Variants in SLC23A2 observed in about 807,000 individuals in gnomAD.
The protein encoded by SLC23A2 is Na(+)/L-ascorbic acid transporter 2.
In SLC23A2, 36 loss-of-function variants were observed where a neutral mutation model predicts 73.3. That is an observed-to-expected ratio of 0.49 (90% CI 0.38 to 0.65). The LOEUF is 0.65. Ranked by LOEUF, SLC23A2 falls within the 30% of genes least tolerant of loss-of-function variation. SLC23A2 has a pLI of 0.00. For synonymous variants in SLC23A2, 343 were observed against 327.3 expected (o/e 1.05, Z -0.52); for missense variants, 507 against 841.6 (o/e 0.60, Z 4.92).
At chr20:4,999,664 A>C (rs1366832565) in intron 1 of SLC23A2, among the ~76,000 whole-genome samples, 2 of 151,598 alleles carry the variant, frequency 1.3e-5, no homozygotes, top group East Asian at 1.9e-4. Flanking sequence ...AAGTGCTGGG[A>C]TTACAGGTGT....
intron 13 of SLC23A2, among the ~76,000 whole-genome samples, chr20:4,866,536 G>A (rs7263731): frequency 0.012 from 1,789 of 152,268 alleles, 25 homozygotes; most frequent in Non-Finnish European, 0.018. Context: ...TAGAGGAAGC[G>A]CCCCTCAGAC....
upstream of SLC23A2, among the ~76,000 whole-genome samples, chr20:5,004,727 C>T (rs6133184): frequency 0.14 from 21,454 of 152,086 alleles, 1,769 homozygotes; most frequent in East Asian, 0.34. Context: ...AGGCCGGGTG[C>T]GGTGGCTCAC....
intron 2 of SLC23A2, among the ~76,000 whole-genome samples, chr20:4,936,495 C>T (rs1283699093): frequency 1.3e-5 from 2 of 151,994 alleles, no homozygotes; most frequent in Admixed American, 6.6e-5. Flanking sequence ...ATTATGTTGC[C>T]CAGGCTGGTC....
At chr20:4,959,129 G>A (rs1696642242) in intron 2 of SLC23A2, among the ~76,000 whole-genome samples, 1 of 151,272 alleles carries the variant, frequency 6.6e-6, no homozygotes. Flanking sequence ...TGAGGCAGGA[G>A]AATCACTTGA....
intron 2 of SLC23A2, among the ~76,000 whole-genome samples, chr20:4,945,097 G>A (rs2087099192): frequency 6.6e-6 from 1 of 152,128 alleles, no homozygotes; most frequent in Admixed American, 6.5e-5. Flanking sequence ...TCCGACTTCA[G>A]GGAGTTTGCA....
chr20:4,867,209 C>T (rs1461783315), intron 13 of SLC23A2, among the ~76,000 whole-genome samples: 1 of 152,154 alleles, frequency 6.6e-6, no homozygotes, highest in Admixed American at 6.5e-5. Context: ...GACTCCCTGA[C>T]CCGCACTGGC....
chr20:4,860,246 T>C (rs1929903454), intron 15 of SLC23A2, among the ~76,000 whole-genome samples: 2 of 152,230 alleles, frequency 1.3e-5, no homozygotes, highest in African/African-American at 2.4e-5. Flanking sequence ...ATGAATACCC[T>C]TGGTGCCTTC....
At chr20:4,873,907 T>C (rs748108353) in intron 11 of SLC23A2, 29 bp downstream of exon 11, 44 of 1,598,620 alleles carry the variant, frequency 2.8e-5, no homozygotes, top group Non-Finnish European at 3.5e-5. Context: ...TCGTGGGCTC[T>C]TGACCCCTCT....
intron 4 of SLC23A2, among the ~76,000 whole-genome samples, chr20:4,908,922 A>T (rs1343381576): frequency 6.6e-6 from 1 of 152,226 alleles, no homozygotes. Context: ...TGACAGAGCA[A>T]GACTATCTCA....
At position 4,966,103 on chromosome 20, in the gene SLC23A2, T is replaced by C. The variant is rs61335732; in HGVS notation, c.-155+4690A>G. Among the ~76,000 whole-genome samples, 675 of 152,112 alleles carry C rather than the reference T, an allele frequency of 4.4e-3. 2 individuals carry two copies. The highest frequency in any genetic ancestry group is 0.015 in the African/African-American group (634 of 41,502). On this transcript the variant is annotated intron_variant, in intron 2 of 16. Coordinates refer to ENST00000338244, the MANE Select transcript of SLC23A2 (RefSeq NM_005116.6). ...ATAAAATTATAAGCTATAGAACGTA[T>C]TTGTGATTCTTGGGTAAAAAAGAAA...
At chr20:4,935,103 C>T (rs1442748685) in intron 2 of SLC23A2, among the ~76,000 whole-genome samples, 49 of 145,464 alleles carry the variant, frequency 3.4e-4, no homozygotes, top group African/African-American at 1.2e-3. Flanking sequence ...AGGAGAATGG[C>T]GTGAACCCAG....
At chr20:4,880,165 C>T (rs112375401) in intron 9 of SLC23A2, among the ~76,000 whole-genome samples, 4 of 152,170 alleles carry the variant, frequency 2.6e-5, no homozygotes, top group Admixed American at 6.5e-5. Context: ...CAGAATTTGC[C>T]GCTAAGATTG....
chr20:4,879,207 G>C (rs1930778646), intron 9 of SLC23A2, among the ~76,000 whole-genome samples: 1 of 152,044 alleles, frequency 6.6e-6, no homozygotes, highest in Admixed American at 6.5e-5. Context: ...AGGAGTTTGA[G>C]ACCAGTCTGG....
chr20:4,919,043 T>C (rs993340498), intron 3 of SLC23A2, among the ~76,000 whole-genome samples: 1 of 152,218 alleles, frequency 6.6e-6, no homozygotes, highest in African/African-American at 2.4e-5. Context: ...TCCTTTACTA[T>C]GAACATGAAA....
chr20:5,006,669 T>G (rs537505528), intron 1 of SLC23A2, among the ~76,000 whole-genome samples: 1 of 151,808 alleles, frequency 6.6e-6, no homozygotes, highest in African/African-American at 2.4e-5. Context: ...GCCTCCCAAA[T>G]AGCTGGGATT....
Position 4,856,551 on chromosome 20 carries a change from C to T in SLC23A2, c.*421G>A, listed in dbSNP as rs765571667. ...CAGAGGAGGTCTCCGCGGGCACAGACGAGGGTCAAATGACAAGGAAACAGG... is the reference window on the plus strand; with the variant it reads ...CAGAGGAGGTCTCCGCGGGCACAGATGAGGGTCAAATGACAAGGAAACAGG... On this transcript the variant is annotated 3_prime_UTR_variant, in exon 17 of 17. Coordinates refer to ENST00000338244, the MANE Select transcript of SLC23A2 (RefSeq NM_005116.6). This position sits in a 1 kb window ranked among gnomAD's most constrained non-coding sequence, Gnocchi z 4.6. 5.6e-5 allele frequency: 9 copies of T among 162,076 alleles called. No homozygotes were observed. Among genetic ancestry groups the T allele is most frequent in the Admixed American group, 3.0e-4 (5 of 16,446 alleles). The allele number at this position is 162,076 out of a possible 1,614,324, so 10.0% of individuals were successfully genotyped here. A position where few individuals can be genotyped will look rare whatever the true frequency, so the allele number is the denominator to read the frequency against.
chr20:4,904,560 T>C (rs1931869963), intron 4 of SLC23A2, among the ~76,000 whole-genome samples: 1 of 152,170 alleles, frequency 6.6e-6, no homozygotes, highest in African/African-American at 2.4e-5. Flanking sequence ...ACTTCTGAAC[T>C]GAGGGCACCA....
rs72552226 is a variant in SLC23A2 at position 4,902,741 on chromosome 20, C to A, written c.208-183G>T. 0.011 allele frequency among the ~76,000 whole-genome samples: 1,623 copies of A among 152,206 alleles called. 25 individuals are homozygous for A. The highest frequency in any genetic ancestry group is 0.037 in the African/African-American group (1,520 of 41,496). The stretch of plus-strand genomic sequence containing the variant: ...CTTTGGCTCAAGTACAGTCGCCCAC[C>A]GGGATGGTCAATCCTCAGAATTTGG... On this transcript the variant is annotated intron_variant, in intron 4 of 16. Transcript: ENST00000338244. The surrounding 1 kb of genome is among the most constrained non-coding windows in gnomAD (Gnocchi z 4.0).
intron 2 of SLC23A2, among the ~76,000 whole-genome samples, chr20:4,952,472 T>C (rs758237722): frequency 6.6e-6 from 1 of 152,122 alleles, no homozygotes; most frequent in Non-Finnish European, 1.5e-5. Context: ...GTGCCCTTCA[T>C]GTGTGAAAGC....
Sources: allele counts gnomAD v4.1 joint callset (sites outside exome capture counted in the v4.1 genomes callset), GRCh38; gene constraint gnomAD v4.1.1; non-coding constraint Gnocchi (gnomAD v3.1); transcripts MANE v1.5; gene names NCBI Gene and HGNC (gene_info 2026-07-23, HGNC 2026-07-21).